DNAAF2: variants seen among roughly 807,000 people sequenced by gnomAD.
The protein encoded by DNAAF2 is protein kintoun.
DNAAF2 carries 58 observed loss-of-function variants against 48.8 expected under a neutral mutation model. That is an observed-to-expected ratio of 1.19 (90% CI 0.96 to 1.48). The LOEUF is 1.48. Among genes scored for constraint, DNAAF2 ranks in the 40% most tolerant of loss-of-function variants. The probability of loss-of-function intolerance (pLI) is 0.00; values close to 1 mark genes in which losing one functional copy is unlikely to be tolerated. For missense variants in DNAAF2, 1,241 were observed against 1,116.1 expected, an observed-to-expected ratio of 1.11 and a Z score of -1.59; for synonymous variants, 567 against 481.2, an observed-to-expected ratio of 1.18 and a Z score of -2.33.
At position 49,634,779 on chromosome 14, in the gene DNAAF2, C is replaced by T. The variant is rs1366257019; in HGVS notation, c.371G>A (p.Ser124Asn). The change falls in exon 1 of 3, where the codon AGC becomes AAC. Residue 124 changes from serine (S) to asparagine (N), a missense_variant. Ser to Asn is a conservative substitution (Grantham distance 46). Transcript: ENST00000298292. ...APGSHWSLPY[S>N]LAPGREYAGR... ...CGCGTACTCGCGGCCGGGCGCCAGG[C>T]TGTAGGGCAGGGACCAGTGGCTGCC... The T allele has an allele frequency of 6.3e-7, 1 of 1,583,318 alleles. No homozygotes were observed. The highest frequency in any genetic ancestry group is 1.3e-5 in the African/African-American group (1 of 74,386).
chr14:49,630,994 C>G (rs1279120091), intron 1 of DNAAF2, among the ~76,000 whole-genome samples: 2 of 152,114 alleles, frequency 1.3e-5, no homozygotes, highest in Admixed American at 1.3e-4. Flanking sequence ...CGTGATCTGC[C>G]TGCTTCAGTC....
rs867153082 is a variant in DNAAF2, at chr14:49,635,124, G to T, written c.26C>A (p.Ser9Ter). 6.4e-7 allele frequency: 1 copy of T among 1,565,994 alleles called. No individual in the cohort carries two copies. The highest frequency in any genetic ancestry group is 1.2e-5 in the South Asian group (1 of 85,216). Residue 9 changes from serine (S) to a stop codon, truncating the protein, a stop_gained, in exon 1 of 3, where the codon TCG becomes TAG. Transcript: ENST00000298292. LOFTEE classifies it high-confidence loss of function. Reference sequence around the variant, plus strand: ...TCCGCTCAGGTCCAAGTCCTCCAGCGACGAGGAGGCCGCCGCTTTGGCCAT... The same window carrying T: ...TCCGCTCAGGTCCAAGTCCTCCAGCTACGAGGAGGCCGCCGCTTTGGCCAT... MAKAAASS[S>*]LEDLDLSGEE...
intron 2 of DNAAF2, among the ~76,000 whole-genome samples, chr14:49,626,329 A>C (rs1170080194): frequency 1.3e-5 from 2 of 152,014 alleles, no homozygotes; most frequent in Non-Finnish European, 2.9e-5. Context: ...CTCTACTAAA[A>C]ACACAAAAAT....
At chr14:49,626,965 C>T (rs1260689794) in intron 2 of DNAAF2, among the ~76,000 whole-genome samples, 1 of 151,782 alleles carries the variant, frequency 6.6e-6, no homozygotes, top group East Asian at 1.9e-4. Flanking sequence ...GCCATGACGC[C>T]CGGCTAATTT....
Position 49,633,901 on chromosome 14 carries a change from C to G in DNAAF2, c.1249G>C (p.Asp417His). ...AAGSGVTTLGDPEVAPPPAAA... is the reference protein window; with the variant it reads ...AAGSGVTTLGHPEVAPPPAAA... Reference sequence around the variant, plus strand: ...GCCGGCGGAGGCGCCACCTCCGGGTCGCCCAGGGTGGTGACCCCGGAGCCC... The same window carrying G: ...GCCGGCGGAGGCGCCACCTCCGGGTGGCCCAGGGTGGTGACCCCGGAGCCC... Residue 417 changes from aspartate (D) to histidine (H), a missense_variant, in exon 1 of 3, where the codon GAC becomes CAC. Coordinates refer to ENST00000298292, the MANE Select transcript of DNAAF2 (RefSeq NM_018139.3). 6.5e-7 allele frequency: 1 copy of G among 1,534,124 alleles called. No individual in the cohort carries two copies. Among genetic ancestry groups the G allele is most frequent in the Non-Finnish European group, 8.7e-7 (1 of 1,146,476 alleles).
rs774966010 is a variant in DNAAF2 at position 49,634,343 on chromosome 14, G to A, written c.807C>T (p.Arg269=). The part of the protein sequence containing the change: ...QRHHVDLQDY[R]CSRDSAPSPV... ...GGCTCGGGGCTGAGTCCCTGGAGCA[G>A]CGGTAATCCTGGAGGTCCACGTGGT... is the stretch of plus-strand genomic sequence containing the variant. Residue 269 remains arginine (R), a synonymous_variant, in exon 1 of 3, where the codon CGC becomes CGT. Transcript: ENST00000298292. The A allele has an allele frequency of 6.2e-7, 1 of 1,610,882 alleles. No individual in the cohort carries two copies. Among genetic ancestry groups the A allele is most frequent in the South Asian group, 1.1e-5 (1 of 91,032 alleles).
At chr14:49,630,966 G>C (rs571419353) in intron 1 of DNAAF2, among the ~76,000 whole-genome samples, 1 of 152,148 alleles carries the variant, frequency 6.6e-6, no homozygotes, top group South Asian at 2.1e-4. Flanking sequence ...GGCCAGGATG[G>C]TCTCAATCTC....
In DNAAF2 at chr14:49,635,072, G is replaced by A. The variant is rs7156297; in HGVS notation, c.78C>T (p.Ala26=). The change falls in exon 1 of 3, where the codon GCC becomes GCT. Residue 26 remains alanine (A), a synonymous_variant. Transcript: ENST00000298292. ...TTCGCCGGAACTCCGGGTCCTGGAA[G>A]GCGGAGGTGAGCCGCTGGACCTCCT... ...SGEEVQRLTS[A]FQDPEFRRMF... 4,032 of 1,585,936 alleles carry A rather than the reference G, an allele frequency of 2.5e-3. 70 individuals are homozygous for A. In the African/African-American group the frequency reaches 0.044, roughly 17 times the overall value.
chr14:49,635,194 G>T lies in DNAAF2; in HGVS notation c.-45C>A. 1 of 1,537,832 alleles carries T rather than the reference G, an allele frequency of 6.5e-7. No homozygotes were observed. The highest frequency in any genetic ancestry group is 1.2e-5 in the South Asian group (1 of 83,714). Reference sequence around the variant, plus strand: ...CCCTCGGGCCAAAGGCGATCAGTCTGACACTGGGTTGGGGGATCCGCCTCA... The same window carrying T: ...CCCTCGGGCCAAAGGCGATCAGTCTTACACTGGGTTGGGGGATCCGCCTCA... On this transcript the variant is annotated 5_prime_UTR_variant, in exon 1 of 3. Transcript: ENST00000298292.
At position 49,625,350 on chromosome 14, in the gene DNAAF2, C is replaced by T; in HGVS notation, c.*192G>A. The T allele has an allele frequency of 2.7e-6, 1 of 375,840 alleles. No homozygotes were observed. Among genetic ancestry groups the T allele is most frequent in the South Asian group, 7.3e-5 (1 of 13,748 alleles). The allele number at this position is 375,840 out of a possible 1,614,324, so 23.3% of individuals were successfully genotyped here. A position where few individuals can be genotyped will look rare whatever the true frequency, so the allele number is the denominator to read the frequency against. ...CTTATCTCCATAAGGAAACTTTAAA[C>T]TCCAGAGGCAAAAAAAAAAAAATTA... On this transcript the variant is annotated 3_prime_UTR_variant, in exon 3 of 3. Transcript: ENST00000298292.
intron 2 of DNAAF2, among the ~76,000 whole-genome samples, chr14:49,626,805 T>TC (rs1883021360): frequency 7.5e-6 from 1 of 132,702 alleles, no homozygotes; most frequent in South Asian, 2.6e-4. Flanking sequence ...CAGTCTTTTT[T>TC]TTTTTTTTTT....
chr14:49,634,223 G>A lies in DNAAF2; in HGVS notation c.927C>T (p.Leu309=). Residue 309 remains leucine (L), a synonymous_variant, in exon 1 of 3, where the codon CTC becomes CTT. Transcript: ENST00000298292. The part of the protein sequence containing the change: ...ALEVTRKLLC[L]DSRKPDYRLR... Reference sequence around the variant, plus strand: ...GCCGGTAGTCAGGTTTCCTCGAGTCGAGGCACAGCAGCTTTCTCGTTACCT... The same window carrying A: ...GCCGGTAGTCAGGTTTCCTCGAGTCAAGGCACAGCAGCTTTCTCGTTACCT... 2 of 1,612,328 alleles carry A rather than the reference G, an allele frequency of 1.2e-6. No individual in the cohort carries two copies. The highest frequency in any genetic ancestry group is 1.3e-5 in the African/African-American group (1 of 75,056).
At chr14:49,628,600 G>A (rs541528884) in intron 1 of DNAAF2, among the ~76,000 whole-genome samples, 10 of 152,188 alleles carry the variant, frequency 6.6e-5, no homozygotes, top group Non-Finnish European at 1.3e-4. Context: ...GATTACAGGC[G>A]ACTGCCACCA....
At chr14:49,630,727 CACACAAACTCTCT>C (rs1478276171) in intron 1 of DNAAF2, among the ~76,000 whole-genome samples, 2 of 96,668 alleles carry the variant, frequency 2.1e-5, no homozygotes, top group Non-Finnish European at 5.0e-5. Flanking sequence ...CACACACACA[CACACAAACTCTCT>C]ACACACACAC....
rs1221519847 is a variant in DNAAF2 at position 49,633,909 on chromosome 14, G to A, written c.1241C>T (p.Thr414Ile). The change falls in exon 1 of 3, where the codon ACC (threonine) becomes ATC (isoleucine). Residue 414 changes from threonine (T) to isoleucine (I), a missense_variant. Physicochemically the swap from Thr to Ile is moderately conservative, Grantham distance 89 (BLOSUM62 -1). Transcript: ENST00000298292. The stretch of plus-strand genomic sequence containing the variant: ...AGGCGCCACCTCCGGGTCGCCCAGG[G>A]TGGTGACCCCGGAGCCCGCAGCCCC... The part of the protein sequence containing the change: ...VAGAAGSGVT[T>I]LGDPEVAPPP... 2 of 1,533,326 alleles carry A rather than the reference G, an allele frequency of 1.3e-6. No individual in the cohort carries two copies. The highest frequency in any genetic ancestry group is 1.7e-6 in the Non-Finnish European group (2 of 1,146,036). 95.0% of individuals were successfully genotyped at this position (1,533,326 alleles called of 1,614,324 possible).
In DNAAF2 at chr14:49,633,950, G is replaced by T. The variant is rs540114714; in HGVS notation, c.1200C>A (p.His400Gln). Residue 400 changes from histidine (H) to glutamine (Q), a missense_variant, in exon 1 of 3, where the codon CAC becomes CAA. By Grantham distance (24) the His-to-Gln change is conservative (BLOSUM62 0). Coordinates refer to ENST00000298292, the MANE Select transcript of DNAAF2 (RefSeq NM_018139.3). ...PARSRAEDGG[H>Q]DTCVAGAAGS... ...CCGCAGCCCCAGCCACGCAGGTATC[G>T]TGGCCTCCGTCCTCCGCGCGACTCC... The T allele has an allele frequency of 1.3e-6, 2 of 1,530,332 alleles. No homozygotes were observed. The highest frequency in any genetic ancestry group is 2.0e-5 in the Admixed American group (1 of 50,322). 94.8% of individuals were successfully genotyped at this position (1,530,332 alleles called of 1,614,324 possible).
chr14:49,634,748 G>C lies in DNAAF2; in HGVS notation c.402C>G (p.Arg134=), dbSNP rs1249471522. 2 of 1,602,030 alleles carry C rather than the reference G, an allele frequency of 1.2e-6. No individual in the cohort carries two copies. Among genetic ancestry groups the C allele is most frequent in the Non-Finnish European group, 1.7e-6 (2 of 1,178,100 alleles). ...CGTAGACCATGTAGCGGCTGCTGCT[G>C]CGCCCCGCGTACTCGCGGCCGGGCG... The part of the protein sequence containing the change: ...SLAPGREYAG[R]SSSRYMVYDV... The change falls in exon 1 of 3, where the codon CGC becomes CGG. Residue 134 remains arginine, a synonymous_variant. Coordinates refer to ENST00000298292, the MANE Select transcript of DNAAF2 (RefSeq NM_018139.3).
Position 49,628,122 on chromosome 14 carries a change from CATT to C in DNAAF2, c.1894_1896del (p.Asn632del). ...GAGCTCAGGACCTCTTCAAGAAACT[CATT>C]AACATTTTCTTCATTGACAAATAAC... On this transcript the variant is annotated inframe_deletion, in exon 2 of 3. Coordinates refer to ENST00000298292, the MANE Select transcript of DNAAF2 (RefSeq NM_018139.3). The C allele has an allele frequency of 6.3e-7, 1 of 1,591,878 alleles. No individual in the cohort carries two copies. Among genetic ancestry groups the C allele is most frequent in the Non-Finnish European group, 8.6e-7 (1 of 1,167,634 alleles).
At chr14:49,626,140 T>G in intron 2 of DNAAF2, 92 bp from the exon 3 acceptor site, 2 of 1,093,994 alleles carry the variant, frequency 1.8e-6, no homozygotes, top group Non-Finnish European at 2.4e-6. Flanking sequence ...TTAACAGTTG[T>G]GAGGTAATAG....
Sources: gnomAD v4.1 joint callset for allele counts (sites outside exome capture counted in the v4.1 genomes callset) on GRCh38, gnomAD v4.1.1 for gene constraint, MANE v1.5 for transcripts, NCBI Gene and HGNC (gene_info 2026-07-23, HGNC 2026-07-21) for gene names.